The following LOC128125822 variants were observed in gnomAD, a reference collection of about 807,000 sequenced individuals.
the LOC128125822 span, chr6:63,578,566 G>A: frequency 1.9e-6 from 3 of 1,583,018 alleles, no homozygotes; most frequent in Non-Finnish European, 1.7e-6. Context: ...TTATGGTGCT[G>A]TGCTACAAAA....
At chr6:63,578,650 AT>A in the LOC128125822 span, 2 of 1,361,950 alleles carry the variant, frequency 1.5e-6, no homozygotes, top group Non-Finnish European at 2.0e-6. Flanking sequence ...AAAAACAAAT[AT>A]TATATTATTG....
chr6:63,583,324 G>GTGTATATA, the LOC128125822 span: 1 of 152,162 alleles, frequency 6.6e-6, no homozygotes, highest in African/African-American at 2.4e-5. Context: ...ATATGTTTGT[G>GTGTATATA]TGTATATATG....
chr6:63,579,124 A>C, the LOC128125822 span: 6 of 1,387,826 alleles, frequency 4.3e-6, no homozygotes, highest in Admixed American at 2.7e-5. Flanking sequence ...ATATAAAGTC[A>C]ACATTTGTCA....
chr6:63,580,744 A>G, the LOC128125822 span: 7 of 141,174 alleles, frequency 5.0e-5, no homozygotes, highest in African/African-American at 1.8e-4. Flanking sequence ...TTTTTTTTTT[A>G]CCAAGTCTTA....
chr6:63,581,535 C>T, the LOC128125822 span: 2 of 152,302 alleles, frequency 1.3e-5, no homozygotes, highest in African/African-American at 2.4e-5. Context: ...GTGTCCTCAT[C>T]TTTTTACAAA....
chr6:63,572,747 C>A, the LOC128125822 span: 1 of 398,352 alleles, frequency 2.5e-6, no homozygotes, highest in Non-Finnish European at 4.4e-6. Flanking sequence ...CGTCGCCTCT[C>A]GGGCTGGGAA....
chr6:63,576,293 G>A, the LOC128125822 span: 143 of 379,660 alleles, frequency 3.8e-4, no homozygotes, highest in African/African-American at 2.6e-3. Flanking sequence ...CTTGAGTTTT[G>A]CAATTCAAGT....
At chr6:63,573,857 A>C in the LOC128125822 span, among the ~76,000 whole-genome samples, 9 of 152,074 alleles carry the variant, frequency 5.9e-5, no homozygotes, top group Non-Finnish European at 1.0e-4. Context: ...TTCCCCTGCC[A>C]ATTTTGGAAG....
chr6:63,575,599 G>A, the LOC128125822 span, among the ~76,000 whole-genome samples: 8 of 152,138 alleles, frequency 5.3e-5, no homozygotes, highest in Admixed American at 1.3e-4. Context: ...CCCTTTGTCC[G>A]CCTTCTCTGA....
At chr6:63,578,831 A>C in the LOC128125822 span, 2 of 1,352,960 alleles carry the variant, frequency 1.5e-6, no homozygotes, top group African/African-American at 1.5e-5. Flanking sequence ...CCATGTTAGA[A>C]ATTTAGAATT....
the LOC128125822 span, chr6:63,583,214 G>A: frequency 6.6e-6 from 1 of 152,146 alleles, no homozygotes; most frequent in Non-Finnish European, 1.5e-5. Context: ...TCTTTTACAT[G>A]TAAACAATGA....
At chr6:63,579,244 C>T in the LOC128125822 span, 12 of 1,591,456 alleles carry the variant, frequency 7.5e-6, no homozygotes, top group Non-Finnish European at 1.0e-5. Flanking sequence ...TATCAAAATT[C>T]TTACCTCACC....
chr6:63,575,772 T>C, the LOC128125822 span, among the ~76,000 whole-genome samples: 100 of 152,184 alleles, frequency 6.6e-4, no homozygotes, highest in Non-Finnish European at 1.4e-3. Flanking sequence ...ACAAGTTGAT[T>C]TTCAGAGACT....
At chr6:63,576,547 T>C in the LOC128125822 span, 1 of 443,494 alleles carries the variant, frequency 2.3e-6, no homozygotes, top group Non-Finnish European at 4.0e-6. Flanking sequence ...AGAAACTGAT[T>C]ACTGCTCCAC....
chr6:63,574,564 C>T, the LOC128125822 span, among the ~76,000 whole-genome samples: 5 of 152,256 alleles, frequency 3.3e-5, no homozygotes, highest in South Asian at 1.0e-3. Context: ...TCTCTGCTTC[C>T]TGATGAAAGT....
the LOC128125822 span, chr6:63,581,266 A>T: frequency 1.3e-5 from 2 of 152,492 alleles, no homozygotes; most frequent in African/African-American, 2.4e-5. Context: ...GATACTTGAC[A>T]ATTTGTTTTA....
the LOC128125822 span, chr6:63,572,520 T>G: frequency 2.6e-6 from 1 of 391,756 alleles, no homozygotes; most frequent in Non-Finnish European, 4.5e-6. Flanking sequence ...GCGGGCCGGC[T>G]CGGCTACGCG....
At chr6:63,583,385 A>G in the LOC128125822 span, 1 of 152,220 alleles carries the variant, frequency 6.6e-6, no homozygotes, top group African/African-American at 2.4e-5. Context: ...GTGGTTTAAA[A>G]GTGACATTTA....
chr6:63,572,557 G>A, the LOC128125822 span: 1 of 410,432 alleles, frequency 2.4e-6, no homozygotes, highest in Non-Finnish European at 4.2e-6. Flanking sequence ...TCACTGCATG[G>A]TAGAGTCTGG....
Sources: gnomAD v4.1 joint callset for allele counts (sites outside exome capture counted in the v4.1 genomes callset) on GRCh38, gnomAD v4.1.1 for gene constraint, MANE v1.5 for transcripts.